Variants in PPP5C observed in about 807,000 individuals in gnomAD.
PPP5C encodes the protein protein phosphatase 5 catalytic subunit, also known as serine/threonine-protein phosphatase 5.
PPP5C carries 21 observed loss-of-function variants against 66.7 expected under a neutral mutation model. The ratio of observed to expected loss-of-function variants is 0.31; its 90% CI spans 0.22 to 0.45. PPP5C has a LOEUF of 0.45. Among genes scored for constraint, PPP5C ranks in the 20% least tolerant of loss-of-function variants. PPP5C has a pLI of 1.00. For synonymous variants in PPP5C, 246 were observed against 257.4 expected, an observed-to-expected ratio of 0.96 and a Z score of 0.43; for missense variants, 464 against 675.9, an observed-to-expected ratio of 0.69 and a Z score of 3.48.
At chr19:46,350,054 G>A (rs1972156698) in intron 1 of PPP5C, among the ~76,000 whole-genome samples, 1 of 151,964 alleles carries the variant, frequency 6.6e-6, no homozygotes, top group African/African-American at 2.4e-5. Flanking sequence ...GGGGAGCCCT[G>A]GGAGGTTCTG....
chr19:46,390,763 A>C lies in PPP5C; in HGVS notation c.*417A>C. 8.8e-7 allele frequency: 1 copy of C among 1,134,902 alleles called. No individual in the cohort carries two copies. Among genetic ancestry groups the C allele is most frequent in the Non-Finnish European group, 1.1e-6 (1 of 914,372 alleles). The allele number at this position is 1,134,902 out of a possible 1,614,324, so 70.3% of individuals were successfully genotyped here. ...CCTGCGCCTCCCCTCCTATAGCCCC[A>C]TGGTGGGGCTAGGCTGGGGCTCACC... On this transcript the variant is annotated 3_prime_UTR_variant, in exon 13 of 13. Transcript: ENST00000012443.
rs2147407009 is a variant in PPP5C at position 46,388,391 on chromosome 19, C to G, written c.1136-17C>G. 1 of 1,607,396 alleles carries G rather than the reference C, an allele frequency of 6.2e-7. No homozygotes were observed. Among genetic ancestry groups the G allele is most frequent in the South Asian group, 1.1e-5 (1 of 90,608 alleles). On this transcript the variant is annotated splice_polypyrimidine_tract_variant and intron_variant, in intron 9 of 12. Transcript: ENST00000012443. This position sits in a 1 kb window ranked among gnomAD's most constrained non-coding sequence, Gnocchi z 4.9. The stretch of plus-strand genomic sequence containing the variant: ...GGAGGTGGACGAGTCCCTAATGTTT[C>G]CCTCGCTCCCCACCAGGGCCCATGT...
Position 46,361,342 on chromosome 19 carries a change from G to T in PPP5C, c.363+7353G>T, listed in dbSNP as rs1173402449. The stretch of plus-strand genomic sequence containing the variant: ...GACGGGGTTTCACTGTGTTAGCCAG[G>T]ATGGTCTCAATCTCTTGACCTCATG... On this transcript the variant is annotated intron_variant, in intron 2 of 12. Coordinates refer to ENST00000012443, the MANE Select transcript of PPP5C (RefSeq NM_006247.4). Among the ~76,000 whole-genome samples the T allele has an allele frequency of 3.7e-4, 55 of 149,908 alleles. 1 individual carries two copies. Among genetic ancestry groups the T allele is most frequent in the Admixed American group, 3.6e-3 (55 of 15,100 alleles).
At chr19:46,369,685 T>C (rs1972551911) in intron 2 of PPP5C, among the ~76,000 whole-genome samples, 1 of 150,520 alleles carries the variant, frequency 6.6e-6, no homozygotes, top group Non-Finnish European at 1.5e-5. Context: ...CCCAGCACTT[T>C]AGGAGTCTGA....
At chr19:46,387,869 G>T (rs1439458816) in intron 9 of PPP5C, 17 of 555,274 alleles carry the variant, frequency 3.1e-5, no homozygotes, top group Non-Finnish European at 4.6e-5. Context: ...TGCTCAGGAA[G>T]GCCTCTCCAG....
Position 46,383,139 on chromosome 19 carries a change from C to T in PPP5C, c.634-272C>T. ...CGATCTGGATTCATGCATGTATTTC[C>T]ACTTGATGCTGAGTATTTTAAGATA... On this transcript the variant is annotated intron_variant, in intron 4 of 12. Transcript: ENST00000012443. This position sits in a 1 kb window ranked among gnomAD's most constrained non-coding sequence, Gnocchi z 5.0. The T allele has an allele frequency of 5.8e-6, 8 of 1,390,280 alleles. No individual in the cohort carries two copies. The highest frequency in any genetic ancestry group is 7.6e-6 in the Non-Finnish European group (8 of 1,058,576). 86.1% of individuals were successfully genotyped at this position (1,390,280 alleles called of 1,614,324 possible).
chr19:46,373,449 T>C (rs1422949961), intron 2 of PPP5C, among the ~76,000 whole-genome samples: 1 of 152,180 alleles, frequency 6.6e-6, no homozygotes, highest in East Asian at 1.9e-4. Context: ...GCTTACACAA[T>C]ATTAGGCACA....
At chr19:46,374,520 A>C (rs1040050311) in intron 2 of PPP5C, among the ~76,000 whole-genome samples, 10 of 152,172 alleles carry the variant, frequency 6.6e-5, no homozygotes, top group Non-Finnish European at 1.2e-4. Context: ...CCAGGATCTG[A>C]ATCCAGCCCC....
At position 46,371,000 on chromosome 19, in the gene PPP5C, A is replaced by G. The variant is rs574459183; in HGVS notation, c.364-4604A>G. 5.9e-5 allele frequency among the ~76,000 whole-genome samples: 9 copies of G among 152,208 alleles called. No individual in the cohort carries two copies. In the South Asian group the frequency reaches 1.9e-3, roughly 32 times the overall value. On this transcript the variant is annotated intron_variant, in intron 2 of 12. Transcript: ENST00000012443. ...CATGATCCGCCCACCTCGGCCTCCC[A>G]AAGTGCTGGGATTACAGGCGTGAGC...
intron 3 of PPP5C, among the ~76,000 whole-genome samples, chr19:46,375,959 A>G (rs1200071296): frequency 2.6e-5 from 4 of 152,108 alleles, no homozygotes; most frequent in Non-Finnish European, 5.9e-5. Flanking sequence ...TTGGAGAGCC[A>G]TGGTCCCCCT....
chr19:46,356,473 G>A (rs1972289256), intron 2 of PPP5C, among the ~76,000 whole-genome samples: 1 of 152,218 alleles, frequency 6.6e-6, no homozygotes, highest in Non-Finnish European at 1.5e-5. Context: ...TTGGGCGGGG[G>A]AGCTCCCCTT....
chr19:46,367,895 G>A (rs1451410901), intron 2 of PPP5C, among the ~76,000 whole-genome samples: 7 of 152,152 alleles, frequency 4.6e-5, no homozygotes, highest in Non-Finnish European at 1.0e-4. Flanking sequence ...TTTAGCTCAG[G>A]TCCGACTCTC....
At chr19:46,375,572 C>A (rs1341040044) in intron 2 of PPP5C, 32 bp from the exon 3 acceptor site, 10 of 1,611,612 alleles carry the variant, frequency 6.2e-6, no homozygotes, top group South Asian at 1.1e-5. Flanking sequence ...CCACCTCAGC[C>A]TCAGTGTGCA....
intron 7 of PPP5C, among the ~76,000 whole-genome samples, chr19:46,386,248 C>T (rs1972883256): frequency 6.6e-6 from 1 of 152,114 alleles, no homozygotes; most frequent in Admixed American, 6.5e-5. Flanking sequence ...ACAAGAGGAG[C>T]TCACTGGGAT....
intron 7 of PPP5C, 48 bp downstream of exon 7, chr19:46,384,957 G>C (rs1972857265): frequency 7.2e-7 from 1 of 1,386,814 alleles, no homozygotes; most frequent in Non-Finnish European, 1.0e-6. Flanking sequence ...GGTCCTGAGT[G>C]GGGCACTCAC....
Position 46,390,117 on chromosome 19 carries a change from C to G in PPP5C, c.1422C>G (p.His474Gln). The change falls in exon 12 of 13, where the codon CAC (histidine) becomes CAG (glutamine). Residue 474 changes from histidine (H) to glutamine (Q), a missense_variant. Physicochemically the swap from His to Gln is conservative, Grantham distance 24. This residue lies in a region of PPP5C where 387 missense variants were observed against 626.0 expected (regional missense o/e 0.62). Coordinates refer to ENST00000012443, the MANE Select transcript of PPP5C (RefSeq NM_006247.4). ...LQGSDLRPQF[H>Q]QFTAVPHPNV... ...GCTCTGACCTACGGCCTCAGTTCCA[C>G]CAGTTCACAGCAGTGGTGAGTCACC... 2 of 1,614,164 alleles carry G rather than the reference C, an allele frequency of 1.2e-6. No individual in the cohort carries two copies. The highest frequency in any genetic ancestry group is 1.7e-6 in the Non-Finnish European group (2 of 1,180,006).
chr19:46,390,497 G>A lies in PPP5C; in HGVS notation c.*151G>A, dbSNP rs1012854269. 4.1e-6 allele frequency: 6 copies of A among 1,478,608 alleles called. No individual in the cohort carries two copies. The African/African-American group carries it at 4.2e-5, about 10-fold the overall frequency. The allele number at this position is 1,478,608 out of a possible 1,614,324, so 91.6% of individuals were successfully genotyped here. On this transcript the variant is annotated 3_prime_UTR_variant, in exon 13 of 13. Transcript: ENST00000012443. ...GTATTTATTCCCCTTTAGGTTTGCA[G>A]AGGGGGTAGGGGCAGAGTCAGGGGC...
chr19:46,390,148 G>A lies in PPP5C; in HGVS notation c.1437+16G>A. 6.2e-7 allele frequency: 1 copy of A among 1,613,024 alleles called. No homozygotes were observed. The highest frequency in any genetic ancestry group is 8.5e-7 in the Non-Finnish European group (1 of 1,179,154). ...CACAGCAGTGGTGAGTCACCCCTCAGGGCCCCTGCCCCTTCCATCCCGGCC... is the reference window on the plus strand; with the variant it reads ...CACAGCAGTGGTGAGTCACCCCTCAAGGCCCCTGCCCCTTCCATCCCGGCC... On this transcript the variant is annotated intron_variant, in intron 12 of 12. Transcript: ENST00000012443.
At chr19:46,364,333 C>T (rs1184466904) in intron 2 of PPP5C, among the ~76,000 whole-genome samples, 1 of 152,134 alleles carries the variant, frequency 6.6e-6, no homozygotes. Flanking sequence ...AGTAAACATT[C>T]GGCCAGATGC....
Sources: gnomAD v4.1 joint callset for allele counts (sites outside exome capture counted in the v4.1 genomes callset) on GRCh38, gnomAD v4.1.1 for gene constraint, gnomAD v4.1.1 regional missense constraint, Gnocchi (gnomAD v3.1) non-coding constraint, MANE v1.5 for transcripts, NCBI Gene and HGNC (gene_info 2026-07-23, HGNC 2026-07-21) for gene names.